The following IL17RD variants were observed in gnomAD, a reference collection of about 807,000 sequenced individuals.
The protein encoded by IL17RD is interleukin-17 receptor D.
A neutral mutation model predicts 80.5 loss-of-function variants in IL17RD; 52 were observed. That is an observed-to-expected ratio of 0.65 (90% CI 0.52 to 0.81). IL17RD has a LOEUF of 0.81. Among genes scored for constraint, IL17RD ranks in the 40% least tolerant of loss-of-function variants. The probability of loss-of-function intolerance (pLI) is 0.00; values close to 1 mark genes in which losing one functional copy is unlikely to be tolerated. For missense variants in IL17RD, 1,024 were observed against 955.1 expected, an observed-to-expected ratio of 1.07 and a Z score of -0.95; for synonymous variants, 416 against 391.8, an observed-to-expected ratio of 1.06 and a Z score of -0.73.
At chr3:57,154,520 A>G (rs1050578706) in intron 1 of IL17RD, among the ~76,000 whole-genome samples, 4 of 152,086 alleles carry the variant, frequency 2.6e-5, no homozygotes, top group South Asian at 2.1e-4. Flanking sequence ...AAAATGTGTG[A>G]CCCTTTAAGT....
At chr3:57,111,758 C>T (rs1050179979) in intron 3 of IL17RD, among the ~76,000 whole-genome samples, 1 of 151,278 alleles carries the variant, frequency 6.6e-6, no homozygotes, top group African/African-American at 2.4e-5. Flanking sequence ...ATCACAAGGT[C>T]AGGAGATTGA....
upstream of IL17RD, among the ~76,000 whole-genome samples, chr3:57,166,504 AAAACAAACAAACAAAC>A (rs6147832): frequency 4.0e-4 from 60 of 150,952 alleles, no homozygotes; most frequent in African/African-American, 1.4e-3. Flanking sequence ...CCTGTCTCTA[AAAACAAACAAACAAAC>A]AAACAAACAA....
chr3:57,145,078 C>T (rs1221659792), intron 1 of IL17RD, among the ~76,000 whole-genome samples: 1 of 152,234 alleles, frequency 6.6e-6, no homozygotes, highest in Admixed American at 6.5e-5. Context: ...GTATCTGTGA[C>T]TGCCTTTCTT....
In IL17RD at chr3:57,110,208, A is replaced by G. The variant is rs1408155917; in HGVS notation, c.414T>C (p.Ser138=). 1.3e-6 allele frequency: 2 copies of G among 1,599,176 alleles called. No homozygotes were observed. Among genetic ancestry groups the G allele is most frequent in the Non-Finnish European group, 1.7e-6 (2 of 1,172,146 alleles). ...TGTGACTTACAGTTCTTTTGAAGCT[A>G]CTGTTGAGCTGCTTCGGATCCTTTA... ...LILKDPKQLN[S]SFKRTGMESQ... Residue 138 remains serine, a synonymous_variant, in exon 4 of 13, where the codon AGT becomes AGC. Transcript: ENST00000296318.
chr3:57,163,798 G>A (rs1257487588), intron 1 of IL17RD, among the ~76,000 whole-genome samples: 1 of 116,632 alleles, frequency 8.6e-6, no homozygotes, highest in East Asian at 3.2e-4. Flanking sequence ...GGGGGCGGGG[G>A]GGGAAGGGGG....
intron 1 of IL17RD, among the ~76,000 whole-genome samples, chr3:57,158,986 A>T (rs1436273262): frequency 1.3e-5 from 2 of 152,218 alleles, no homozygotes; most frequent in East Asian, 3.8e-4. Flanking sequence ...GTGGTTTTCT[A>T]TGAACAGACA....
intron 1 of IL17RD, among the ~76,000 whole-genome samples, chr3:57,139,175 G>A (rs1414024646): frequency 6.6e-6 from 1 of 151,906 alleles, no homozygotes; most frequent in East Asian, 1.9e-4. Context: ...TTAACAGAAA[G>A]TGTAAAAAAA....
intron 3 of IL17RD, among the ~76,000 whole-genome samples, chr3:57,112,509 C>T (rs13353433): frequency 0.029 from 4,478 of 152,236 alleles, 212 homozygotes; most frequent in African/African-American, 0.1. Flanking sequence ...TCTGCCCCTA[C>T]TGGTCGATGT....
intron 1 of IL17RD, among the ~76,000 whole-genome samples, chr3:57,127,412 A>ATATTTTTTT (rs1246159104): frequency 1.1e-4 from 10 of 91,190 alleles, no homozygotes; most frequent in African/African-American, 4.9e-4. Flanking sequence ...ATATATATAT[A>ATATTTTTTT]TTTTTTTTTT....
Position 57,096,100 on chromosome 3 carries a change from T to C in IL17RD, c.*293A>G. 1 of 356,752 alleles carries C rather than the reference T, an allele frequency of 2.8e-6. No individual in the cohort carries two copies. Among genetic ancestry groups the C allele is most frequent in the African/African-American group, 2.0e-5 (1 of 49,072 alleles). The allele number at this position is 356,752 out of a possible 1,614,324, so 22.1% of individuals were successfully genotyped here. ...TTCCTGTTTTTCTTTACATATTTCC[T>C]CCCTACCTCCCACAACAGGCTCTGA... is the stretch of plus-strand genomic sequence containing the variant. On this transcript the variant is annotated 3_prime_UTR_variant, in exon 13 of 13. Coordinates refer to ENST00000296318, the MANE Select transcript of IL17RD (RefSeq NM_017563.5).
At chr3:57,138,566 G>A (rs1243673665) in intron 1 of IL17RD, among the ~76,000 whole-genome samples, 1 of 152,158 alleles carries the variant, frequency 6.6e-6, no homozygotes, top group Non-Finnish European at 1.5e-5. Context: ...ATACCGAGGT[G>A]ATGATGAAAT....
chr3:57,101,117 G>A (rs542781171), intron 11 of IL17RD, 62 bp downstream of exon 11: 5 of 1,372,314 alleles, frequency 3.6e-6, no homozygotes, highest in East Asian at 2.4e-5. Context: ...AGAAGGCAGC[G>A]GGGAGAGAGT....
At chr3:57,114,537 G>A (rs1707168249) in intron 3 of IL17RD, among the ~76,000 whole-genome samples, 155 bp downstream of exon 3, 2 of 152,238 alleles carry the variant, frequency 1.3e-5, no homozygotes, top group Admixed American at 1.3e-4. Context: ...TGTACGCCCA[G>A]CAAATATATG....
intron 1 of IL17RD, among the ~76,000 whole-genome samples, chr3:57,130,298 T>C (rs1707577955): frequency 6.6e-6 from 1 of 152,078 alleles, no homozygotes; most frequent in South Asian, 2.1e-4. Context: ...AAGACCCCAC[T>C]CAGAAATCAA....
rs192426343 is a variant in IL17RD, at chr3:57,118,976, C to A, written c.184+1280G>T. Among the ~76,000 whole-genome samples the A allele has an allele frequency of 2.6e-5, 4 of 152,166 alleles. No individual in the cohort carries two copies. The East Asian group carries it at 5.8e-4, about 22-fold the overall frequency. ...ATCCCAGCACTTTGGGAGGCAGAGG[C>A]GGGCAGATAACTTGAGGCCAGGAGT... On this transcript the variant is annotated intron_variant, in intron 2 of 12. Transcript: ENST00000296318.
chr3:57,163,803 A>AGGGGGGGGGGGGGGGGGGGG (rs1401715931), intron 1 of IL17RD, among the ~76,000 whole-genome samples: 9 of 5,552 alleles, frequency 1.6e-3, no homozygotes, highest in African/African-American at 3.8e-3. Context: ...CGGGGGGGGA[A>AGGGGGGGGGGGGGGGGGGGG]GGGGGTGGCG....
chr3:57,100,261 A>G (rs554281083), intron 11 of IL17RD, among the ~76,000 whole-genome samples: 1 of 152,350 alleles, frequency 6.6e-6, no homozygotes, highest in African/African-American at 2.4e-5. Flanking sequence ...GAGGGAAACT[A>G]GGCTAGCGTA....
chr3:57,096,298 C>A lies in IL17RD; in HGVS notation c.*95G>T, dbSNP rs1205331863. 4 of 835,350 alleles carry A rather than the reference C, an allele frequency of 4.8e-6. No individual in the cohort carries two copies. In the Admixed American group the frequency reaches 5.2e-5, roughly 11 times the overall value. 51.7% of individuals were successfully genotyped at this position (835,350 alleles called of 1,614,324 possible). A position where few individuals can be genotyped will look rare whatever the true frequency, so the allele number is the denominator to read the frequency against. ...CACTCCAAATATCCTTGTATGAGAC[C>A]TCAGCTCCAAGTGGGCCATGCAACC... On this transcript the variant is annotated 3_prime_UTR_variant, in exon 13 of 13. Transcript: ENST00000296318.
At chr3:57,128,179 G>A (rs1202563278) in intron 1 of IL17RD, among the ~76,000 whole-genome samples, 2 of 152,166 alleles carry the variant, frequency 1.3e-5, no homozygotes, top group Non-Finnish European at 2.9e-5. Context: ...TGCGTAGCAA[G>A]GAACACACAA....
Sources: gnomAD v4.1 joint callset for allele counts (sites outside exome capture counted in the v4.1 genomes callset) on GRCh38, gnomAD v4.1.1 for gene constraint, MANE v1.5 for transcripts, NCBI Gene and HGNC (gene_info 2026-07-23, HGNC 2026-07-21) for gene names.